The following TMEM163 variants were observed in gnomAD, a reference collection of about 807,000 sequenced individuals.
The protein encoded by TMEM163 is transmembrane protein 163.
In TMEM163, 17 loss-of-function variants were observed where a neutral mutation model predicts 29.3. The observed-to-expected ratio is 0.58, with a 90% confidence interval of 0.40 to 0.87. The LOEUF (loss-of-function observed/expected upper bound fraction) is 0.87, where lower values mean the gene tolerates loss of function less well. Ranked by LOEUF, TMEM163 falls within the 40% of genes least tolerant of loss-of-function variation. The probability of loss-of-function intolerance (pLI) is 0.00; values close to 1 mark genes in which losing one functional copy is unlikely to be tolerated. For synonymous variants in TMEM163, 157 were observed against 160.6 expected (o/e 0.98, Z 0.17); for missense variants, 303 against 381.5 (o/e 0.79, Z 1.71).
intron 2 of TMEM163, among the ~76,000 whole-genome samples, chr2:134,705,696 G>A (rs909054617): frequency 6.6e-6 from 1 of 152,148 alleles, no homozygotes; most frequent in Non-Finnish European, 1.5e-5. Context: ...GAAGAGCTAC[G>A]GCAGAAATTC....
intron 2 of TMEM163, among the ~76,000 whole-genome samples, chr2:134,611,154 T>A (rs529401270): frequency 1.3e-5 from 2 of 152,260 alleles, no homozygotes; most frequent in Admixed American, 1.3e-4. Flanking sequence ...AGTTACTACA[T>A]CTCTCCATTA....
Position 134,718,928 on chromosome 2 carries a change from G to C in TMEM163, c.8C>G (p.Pro3Arg). The C allele has an allele frequency of 1.9e-6, 2 of 1,052,226 alleles. No individual in the cohort carries two copies. Among genetic ancestry groups the C allele is most frequent in the Non-Finnish European group, 2.3e-6 (2 of 875,154 alleles). 65.2% of individuals were successfully genotyped at this position (1,052,226 alleles called of 1,614,324 possible). A position where few individuals can be genotyped will look rare whatever the true frequency, so the allele number is the denominator to read the frequency against. Residue 3 changes from proline to arginine, a missense_variant, in exon 1 of 8, where the codon CCG becomes CGG. By Grantham distance (103) the Pro-to-Arg change is moderately radical. Transcript: ENST00000281924. ...GCTGCGGCGCTGGATGCCCGCGGCCGGCTCCATGGCGCGGGGCTGCGGATC... is the reference window on the plus strand; with the variant it reads ...GCTGCGGCGCTGGATGCCCGCGGCCCGCTCCATGGCGCGGGGCTGCGGATC... Reference protein sequence around the residue: MEPAAGIQRRSSQ... With the variant: MERAAGIQRRSSQ...
intron 5 of TMEM163, among the ~76,000 whole-genome samples, chr2:134,496,668 A>G (rs1380983748): frequency 1.3e-5 from 2 of 152,198 alleles, no homozygotes; most frequent in Non-Finnish European, 2.9e-5. Flanking sequence ...GTTCTAGTGA[A>G]TGGGAAGGAA....
At chr2:134,687,051 T>C (rs527393513) in intron 2 of TMEM163, among the ~76,000 whole-genome samples, 2 of 152,330 alleles carry the variant, frequency 1.3e-5, no homozygotes, top group East Asian at 3.9e-4. Flanking sequence ...AACTGCCTTT[T>C]GCTCTGGCGG....
chr2:134,566,849 C>T (rs1299189803), intron 2 of TMEM163, among the ~76,000 whole-genome samples: 5 of 152,100 alleles, frequency 3.3e-5, no homozygotes, highest in African/African-American at 1.2e-4. Context: ...TTTAATAAAT[C>T]ACACATGCAT....
intron 6 of TMEM163, among the ~76,000 whole-genome samples, chr2:134,464,540 CA>C (rs1686619727): frequency 6.6e-6 from 1 of 152,120 alleles, no homozygotes; most frequent in Admixed American, 6.5e-5. Context: ...CAGGCCTGTT[CA>C]AAGGAACCCC....
intron 2 of TMEM163, among the ~76,000 whole-genome samples, chr2:134,695,523 T>TA (rs1684560262): frequency 6.6e-6 from 1 of 152,058 alleles, no homozygotes; most frequent in South Asian, 2.1e-4. Flanking sequence ...ACAAATACTA[T>TA]AAAAACTGTA....
At chr2:134,547,670 T>C (rs1179189938) in intron 4 of TMEM163, among the ~76,000 whole-genome samples, 1 of 152,172 alleles carries the variant, frequency 6.6e-6, no homozygotes, top group East Asian at 1.9e-4. Context: ...GCCAACAATA[T>C]AGAGGATTGT....
At chr2:134,706,960 G>A (rs1239615831) in intron 2 of TMEM163, among the ~76,000 whole-genome samples, 5 of 152,152 alleles carry the variant, frequency 3.3e-5, no homozygotes, top group East Asian at 1.9e-4. Flanking sequence ...GAGAGTTGTC[G>A]GAGCAAGGTT....
intron 5 of TMEM163, among the ~76,000 whole-genome samples, chr2:134,477,134 G>A (rs574628456): frequency 7.9e-5 from 12 of 152,280 alleles, no homozygotes; most frequent in Non-Finnish European, 1.2e-4. Context: ...CAGGGAGAAC[G>A]TTGTGTTGCT....
At chr2:134,672,395 G>C (rs1211604115) in intron 2 of TMEM163, among the ~76,000 whole-genome samples, 2 of 152,132 alleles carry the variant, frequency 1.3e-5, no homozygotes, top group African/African-American at 4.8e-5. Flanking sequence ...GGGAAAATTG[G>C]AGGCAGACCA....
At chr2:134,459,525 A>T (rs13421987) in intron 6 of TMEM163, among the ~76,000 whole-genome samples, 5,152 of 97,600 alleles carry the variant, frequency 0.053, 162 homozygotes, top group East Asian at 0.25. Context: ...CCACCTTCCC[A>T]TCCCCAGTGA....
At chr2:134,485,186 G>T (rs1233618597) in intron 5 of TMEM163, among the ~76,000 whole-genome samples, 3 of 152,146 alleles carry the variant, frequency 2.0e-5, no homozygotes, top group African/African-American at 7.2e-5. Flanking sequence ...GAACATCCTG[G>T]CTTAGCCTAG....
At chr2:134,662,650 A>G (rs1252861834) in intron 2 of TMEM163, among the ~76,000 whole-genome samples, 5 of 152,208 alleles carry the variant, frequency 3.3e-5, no homozygotes, top group African/African-American at 4.8e-5. Flanking sequence ...AGGAAGGAAG[A>G]AAAGAAGGGA....
chr2:134,715,397 C>T (rs139704795), intron 1 of TMEM163, among the ~76,000 whole-genome samples: 209 of 152,278 alleles, frequency 1.4e-3, no homozygotes, highest in African/African-American at 4.6e-3. Context: ...CTCAGCATTA[C>T]GACCAGTACT....
intron 2 of TMEM163, among the ~76,000 whole-genome samples, chr2:134,679,473 T>C (rs1429089582): frequency 6.6e-6 from 1 of 151,984 alleles, no homozygotes. Context: ...TCAATCATTT[T>C]CACACCTGCC....
chr2:134,536,532 C>T (rs1680543979), intron 4 of TMEM163, among the ~76,000 whole-genome samples: 1 of 152,172 alleles, frequency 6.6e-6, no homozygotes, highest in Non-Finnish European at 1.5e-5. Context: ...GGCATGAATC[C>T]TCACCCCACC....
At chr2:134,663,768 C>T (rs1233281043) in intron 2 of TMEM163, among the ~76,000 whole-genome samples, 2 of 152,242 alleles carry the variant, frequency 1.3e-5, no homozygotes, top group African/African-American at 4.8e-5. Context: ...TTAGGCAGCA[C>T]GCCGGCTGCC....
chr2:134,677,846 G>A (rs935504677), intron 2 of TMEM163, among the ~76,000 whole-genome samples: 6 of 152,078 alleles, frequency 3.9e-5, no homozygotes, highest in African/African-American at 1.4e-4. Flanking sequence ...TAATGAAATG[G>A]GCAGCAGTTC....
Sources: allele counts gnomAD v4.1 joint callset (sites outside exome capture counted in the v4.1 genomes callset), GRCh38; gene constraint gnomAD v4.1.1; transcripts MANE v1.5; gene names NCBI Gene and HGNC (gene_info 2026-07-23, HGNC 2026-07-21).